WWOX: variants seen among roughly 807,000 people sequenced by gnomAD.
WWOX encodes the protein WW domain-containing oxidoreductase.
In WWOX, 69 loss-of-function variants were observed where a neutral mutation model predicts 46.2. That is an observed-to-expected ratio of 1.49 (90% CI 1.23 to 1.82). WWOX has a LOEUF of 1.82. Ranked by LOEUF, WWOX falls within the 40% of genes most tolerant of loss-of-function variation. The pLI is 0.00. For synonymous variants in WWOX, 359 were observed against 202.6 expected (o/e 1.77, Z -6.56); for missense variants, 919 against 542.6 (o/e 1.69, Z -6.89).
intron 5 of WWOX, among the ~76,000 whole-genome samples, chr16:78,266,446 CTT>C (rs770444939): frequency 1.3e-5 from 2 of 152,136 alleles, no homozygotes; most frequent in Non-Finnish European, 2.9e-5. Flanking sequence ...CTCTCTGCTC[CTT>C]TCCAGAAAGC....
chr16:78,649,004 C>T (rs554988305), intron 8 of WWOX, among the ~76,000 whole-genome samples: 25 of 152,198 alleles, frequency 1.6e-4, no homozygotes, highest in African/African-American at 2.6e-4. Flanking sequence ...GAGGGAGTCT[C>T]GCTCTGTCAC....
At chr16:78,920,491 C>T (rs1011368432) in intron 8 of WWOX, among the ~76,000 whole-genome samples, 1 of 152,168 alleles carries the variant, frequency 6.6e-6, no homozygotes, top group Admixed American at 6.5e-5. Flanking sequence ...GGAGGAACTG[C>T]TGCCTGCATC....
rs956438299 is a variant in WWOX, at chr16:78,798,151, C to T, written c.1056+365399C>T. On this transcript the variant is annotated intron_variant, in intron 8 of 8. Coordinates refer to ENST00000566780, the MANE Select transcript of WWOX (RefSeq NM_016373.4). ...GCAAAGGACAGAGCTTGGACCAGAG[C>T]GCAGAGGTCATGATACCAAAGCCAC... 2.1e-4 allele frequency among the ~76,000 whole-genome samples: 32 copies of T among 152,206 alleles called. No homozygotes were observed. In the East Asian group the frequency reaches 2.9e-3, roughly 14 times the overall value.
chr16:78,862,098 G>GGGTGTGTCTA (rs1450750619), intron 8 of WWOX, among the ~76,000 whole-genome samples: 7,790 of 151,222 alleles, frequency 0.052, 318 homozygotes, highest in Middle Eastern at 0.083. Context: ...GGGTGTGTCT[G>GGGTGTGTCTA]TATCTATACA....
intron 8 of WWOX, among the ~76,000 whole-genome samples, chr16:78,740,372 C>T (rs775983566): frequency 3.2e-4 from 49 of 152,244 alleles, no homozygotes; most frequent in African/African-American, 9.1e-4. Flanking sequence ...TAAATGCTGA[C>T]GTGATTTGTG....
intron 8 of WWOX, among the ~76,000 whole-genome samples, chr16:78,753,358 C>T (rs554391839): frequency 2.0e-5 from 3 of 152,194 alleles, no homozygotes; most frequent in South Asian, 2.1e-4. Flanking sequence ...TCTTAGGCAA[C>T]TCTCATTTCA....
chr16:78,545,033 AAG>A (rs1003420320), intron 8 of WWOX, among the ~76,000 whole-genome samples: 1 of 152,252 alleles, frequency 6.6e-6, no homozygotes, highest in East Asian at 1.9e-4. Context: ...GAGAGAAAGA[AAG>A]AGAGAGAGAT....
intron 5 of WWOX, among the ~76,000 whole-genome samples, chr16:78,309,660 T>A (rs2080202034): frequency 6.6e-6 from 1 of 152,216 alleles, no homozygotes; most frequent in South Asian, 2.1e-4. Flanking sequence ...TCACTCTTGT[T>A]TGGGTCGGGA....
intron 8 of WWOX, among the ~76,000 whole-genome samples, chr16:79,053,097 C>CT (rs201063728): frequency 6.6e-6 from 1 of 150,466 alleles, no homozygotes; most frequent in Non-Finnish European, 1.5e-5. Context: ...AGGATGAAAT[C>CT]TTTTGATCAT....
chr16:78,327,655 T>A (rs199753890), intron 5 of WWOX, among the ~76,000 whole-genome samples: 3 of 152,260 alleles, frequency 2.0e-5, no homozygotes, highest in East Asian at 1.9e-4. Context: ...TATTTAAAAA[T>A]TTTTTTAAAG....
At chr16:79,052,043 T>A (rs1325847000) in intron 8 of WWOX, among the ~76,000 whole-genome samples, 1 of 147,474 alleles carries the variant, frequency 6.8e-6, no homozygotes, top group African/African-American at 2.5e-5. Flanking sequence ...TTTTAATTTT[T>A]TTTTTTTAAT....
chr16:78,202,087 A>G (rs756677205), intron 5 of WWOX, among the ~76,000 whole-genome samples: 1 of 152,120 alleles, frequency 6.6e-6, no homozygotes, highest in South Asian at 2.1e-4. Flanking sequence ...AGCTTCTTCC[A>G]TCCTGGACTT....
intron 8 of WWOX, among the ~76,000 whole-genome samples, chr16:78,853,374 G>A (rs770107328): frequency 1.9e-4 from 29 of 152,058 alleles, no homozygotes; most frequent in East Asian, 1.9e-4. Flanking sequence ...CACGAAGCCC[G>A]ACTGATTTTT....
intron 8 of WWOX, among the ~76,000 whole-genome samples, chr16:78,743,226 C>T (rs533493616): frequency 6.6e-6 from 1 of 152,268 alleles, no homozygotes; most frequent in African/African-American, 2.4e-5. Flanking sequence ...GAGCAAAAGC[C>T]ATCTTATCTC....
intron 8 of WWOX, among the ~76,000 whole-genome samples, chr16:78,609,327 A>T (rs1002044364): frequency 4.0e-5 from 6 of 151,804 alleles, no homozygotes; most frequent in African/African-American, 1.2e-4. Context: ...TTTCAAGGGG[A>T]GGCTTAGCAC....
chr16:78,772,836 T>C (rs117502135), intron 8 of WWOX, among the ~76,000 whole-genome samples: 4 of 152,016 alleles, frequency 2.6e-5, no homozygotes, highest in South Asian at 2.1e-4. Context: ...CTGGACAACA[T>C]AGCGTGAACT....
intron 8 of WWOX, among the ~76,000 whole-genome samples, chr16:79,172,100 A>T (rs186514151): frequency 1.3e-5 from 2 of 152,308 alleles, no homozygotes; most frequent in African/African-American, 4.8e-5. Context: ...CTCTGTCACC[A>T]TGTAGCAGGT....
At chr16:78,489,381 C>T (rs751119455) in intron 8 of WWOX, among the ~76,000 whole-genome samples, 9 of 152,100 alleles carry the variant, frequency 5.9e-5, no homozygotes, top group Admixed American at 1.3e-4. Context: ...GCCAAATATC[C>T]GAGTGTGGAA....
Position 78,825,872 on chromosome 16 carries a change from C to T in WWOX, c.1057-385736C>T. ...CTGGGACCCCGCTGGTAAGACTGGC[C>T]CTAAGAAGCCTCTGCCTGACCACGT... On this transcript the variant is annotated intron_variant, in intron 8 of 8. Coordinates refer to ENST00000566780, the MANE Select transcript of WWOX (RefSeq NM_016373.4). 4 of 663,448 alleles carry T rather than the reference C, an allele frequency of 6.0e-6. No homozygotes were observed. In the Admixed American group the frequency reaches 6.5e-5, roughly 11 times the overall value. 41.1% of individuals were successfully genotyped at this position (663,448 alleles called of 1,614,324 possible).
Sources: gnomAD v4.1 joint callset for allele counts (sites outside exome capture counted in the v4.1 genomes callset) on GRCh38, gnomAD v4.1.1 for gene constraint, MANE v1.5 for transcripts, NCBI Gene and HGNC (gene_info 2026-07-23, HGNC 2026-07-21) for gene names.